The following SCN9A variants were observed in gnomAD, a reference collection of about 807,000 sequenced individuals.
SCN9A encodes sodium voltage-gated channel alpha subunit 9, also known as sodium channel protein type 9 subunit alpha.
Under a neutral mutation model 187.0 loss-of-function variants are expected in SCN9A, and 131 were observed. The observed-to-expected ratio is 0.70, with a 90% CI of 0.61 to 0.81. The LOEUF (loss-of-function observed/expected upper bound fraction) is 0.81, where lower values mean the gene tolerates loss of function less well. Ranked by LOEUF, SCN9A falls within the 30% of genes least tolerant of loss-of-function variation. SCN9A has a pLI of 0.00. For missense variants in SCN9A, 2,252 were observed against 2,396.6 expected (o/e 0.94, Z 1.26); for synonymous variants, 809 against 808.6 (o/e 1.00, Z -0.01).
At chr2:166,348,256 AT>A (rs763688323) in intron 1 of SCN9A, among the ~76,000 whole-genome samples, 2 of 149,902 alleles carry the variant, frequency 1.3e-5, no homozygotes, top group African/African-American at 2.5e-5. Context: ...AAAAAAAAAA[AT>A]GACAAGTAGC....
intron 1 of SCN9A, among the ~76,000 whole-genome samples, chr2:166,325,045 G>A (rs886443643): frequency 9.2e-5 from 14 of 152,116 alleles, no homozygotes; most frequent in Non-Finnish European, 1.9e-4. Flanking sequence ...AATAACAGGG[G>A]AAACTGGATG....
intron 20 of SCN9A, among the ~76,000 whole-genome samples, chr2:166,236,366 AG>A (rs1186673466): frequency 1.3e-5 from 2 of 152,214 alleles, no homozygotes; most frequent in African/African-American, 4.8e-5. Context: ...TACATATTAT[AG>A]AAAAAAGTTA....
intron 1 of SCN9A, among the ~76,000 whole-genome samples, chr2:166,368,270 A>T (rs1436991645): frequency 6.6e-6 from 1 of 152,160 alleles, no homozygotes; most frequent in Non-Finnish European, 1.5e-5. Flanking sequence ...CATACATAAG[A>T]CTGTTACATT....
At chr2:166,320,439 T>G (rs756662298) in intron 1 of SCN9A, among the ~76,000 whole-genome samples, 1 of 152,174 alleles carries the variant, frequency 6.6e-6, no homozygotes, top group Non-Finnish European at 1.5e-5. Context: ...TTTTGATCTC[T>G]TTCAGGTAAA....
At chr2:166,217,729 T>A (rs1012378492) in intron 24 of SCN9A, among the ~76,000 whole-genome samples, 1 of 152,108 alleles carries the variant, frequency 6.6e-6, no homozygotes, top group Non-Finnish European at 1.5e-5. Flanking sequence ...TTGATGAGGA[T>A]GTGGAGAAAT....
chr2:166,303,134 A>T lies in SCN9A; in HGVS notation c.857T>A (p.Leu286Ter), dbSNP rs2106522183. 6.2e-7 allele frequency: 1 copy of T among 1,610,012 alleles called. No homozygotes were observed. The highest frequency in any genetic ancestry group is 1.7e-4 in the Middle Eastern group (1 of 6,052). Residue 286 changes from leucine (L) to a stop codon, truncating the protein, a stop_gained, in exon 7 of 27, where the codon TTA becomes TAA. Coordinates refer to ENST00000642356, the MANE Select transcript of SCN9A (RefSeq NM_001365536.1). LOFTEE classifies it high-confidence loss of function. ...CTCTAGGGTATTCATTATGCTTTCT[A>T]ATGTTTCATTATTTTCAAGTGAATT... ...FRNSLENNET[L>*]ESIMNTLESE...
chr2:166,368,292 T>C (rs1700466346), intron 1 of SCN9A, among the ~76,000 whole-genome samples: 1 of 152,204 alleles, frequency 6.6e-6, no homozygotes, highest in Non-Finnish European at 1.5e-5. Flanking sequence ...ATATTATCAG[T>C]AATGTTAGCA....
Position 166,339,009 on chromosome 2 carries a change from G to A in SCN9A, c.-50-27203C>T, listed in dbSNP as rs866662930. 2.6e-5 allele frequency among the ~76,000 whole-genome samples: 4 copies of A among 152,116 alleles called. No individual in the cohort carries two copies. The East Asian group carries it at 5.8e-4, about 22-fold the overall frequency. Reference sequence around the variant, plus strand: ...AAAATGCAGAAATACATGGCTTAGAGTATGTACCTGTTGCAAAGGTCTTGG... The same window carrying A: ...AAAATGCAGAAATACATGGCTTAGAATATGTACCTGTTGCAAAGGTCTTGG... On this transcript the variant is annotated intron_variant, in intron 1 of 26. Coordinates refer to ENST00000642356, the MANE Select transcript of SCN9A (RefSeq NM_001365536.1).
At chr2:166,229,843 C>T (rs1320376680) in intron 21 of SCN9A, among the ~76,000 whole-genome samples, 2 of 152,140 alleles carry the variant, frequency 1.3e-5, no homozygotes, top group Non-Finnish European at 2.9e-5. Flanking sequence ...TAACACTCTC[C>T]AGATTTTCTT....
chr2:166,239,377 A>G (rs1695467686), intron 19 of SCN9A, among the ~76,000 whole-genome samples: 1 of 152,124 alleles, frequency 6.6e-6, no homozygotes, highest in Non-Finnish European at 1.5e-5. Flanking sequence ...CGTGGTTAAT[A>G]TTATATTTAT....
chr2:166,249,033 T>A (rs924676819), intron 18 of SCN9A, among the ~76,000 whole-genome samples: 2 of 152,028 alleles, frequency 1.3e-5, no homozygotes, highest in Non-Finnish European at 2.9e-5. Flanking sequence ...GGCCTCTTGG[T>A]TTTTCCCAAA....
intron 1 of SCN9A, among the ~76,000 whole-genome samples, chr2:166,354,675 T>C (rs566338405): frequency 6.6e-6 from 1 of 152,314 alleles, no homozygotes; most frequent in East Asian, 1.9e-4. Context: ...CAATCCTAGA[T>C]GGTTGATTAA....
At chr2:166,355,738 G>A (rs1295947514) in intron 1 of SCN9A, among the ~76,000 whole-genome samples, 2 of 151,752 alleles carry the variant, frequency 1.3e-5, no homozygotes, top group Non-Finnish European at 2.9e-5. Context: ...CATTGGGAGG[G>A]CAGTTTTATT....
At chr2:166,286,063 A>G (rs998860011) in intron 11 of SCN9A, among the ~76,000 whole-genome samples, 1 of 152,208 alleles carries the variant, frequency 6.6e-6, no homozygotes, top group Non-Finnish European at 1.5e-5. Context: ...CTTTATTTCT[A>G]CAATGGTTCT....
chr2:166,315,718 T>C (rs929257715), intron 1 of SCN9A, among the ~76,000 whole-genome samples: 3 of 152,178 alleles, frequency 2.0e-5, no homozygotes, highest in South Asian at 2.1e-4. Context: ...GGTGGCAAGA[T>C]GATAGGCTGA....
chr2:166,234,328 T>C (rs1574773198), intron 20 of SCN9A, among the ~76,000 whole-genome samples: 1 of 152,220 alleles, frequency 6.6e-6, no homozygotes, highest in East Asian at 1.9e-4. Flanking sequence ...TCACATCCTG[T>C]GTAGCAGGAG....
intron 20 of SCN9A, among the ~76,000 whole-genome samples, chr2:166,235,337 T>C (rs1695267409): frequency 6.6e-6 from 1 of 152,136 alleles, no homozygotes; most frequent in Admixed American, 6.6e-5. Flanking sequence ...CATCTTTCTA[T>C]AAACACACAC....
chr2:166,317,430 T>C (rs1699135823), intron 1 of SCN9A, among the ~76,000 whole-genome samples: 1 of 152,174 alleles, frequency 6.6e-6, no homozygotes, highest in Admixed American at 6.5e-5. Flanking sequence ...TGTTTTCTCA[T>C]TACTATCTTA....
chr2:166,280,293 A>G (rs1349084237), intron 14 of SCN9A, 64 bp downstream of exon 14: 1 of 928,654 alleles, frequency 1.1e-6, no homozygotes, highest in Non-Finnish European at 1.6e-6. Flanking sequence ...AAAAAATATG[A>G]AATGACAATG....
Sources: gnomAD v4.1 joint callset for allele counts (sites outside exome capture counted in the v4.1 genomes callset) on GRCh38, gnomAD v4.1.1 for gene constraint, MANE v1.5 for transcripts, NCBI Gene and HGNC (gene_info 2026-07-23, HGNC 2026-07-21) for gene names.